Variants in DFFB observed in about 807,000 individuals in gnomAD.
DFFB encodes DNA fragmentation factor 40 kDa subunit.
In DFFB, 29 loss-of-function variants were observed where a neutral mutation model predicts 32.7. The observed-to-expected ratio is 0.89, with a 90% CI of 0.66 to 1.21. The LOEUF is 1.21. Ranked by LOEUF, DFFB falls within the 50% of genes most tolerant of loss-of-function variation. DFFB has a pLI of 0.00. For missense variants in DFFB, 398 were observed against 440.6 expected (o/e 0.90, Z 0.87); for synonymous variants, 170 against 177.1 (o/e 0.96, Z 0.32).
intron 2 of DFFB, among the ~76,000 whole-genome samples, chr1:3,863,767 A>T (rs767159534): frequency 6.6e-6 from 1 of 152,020 alleles, no homozygotes; most frequent in Non-Finnish European, 1.5e-5. Flanking sequence ...CATAGGAAAT[A>T]CCCAGAACGG....
intron 6 of DFFB, among the ~76,000 whole-genome samples, chr1:3,876,594 A>T (rs1044684801): frequency 8.5e-5 from 13 of 152,218 alleles, no homozygotes; most frequent in African/African-American, 2.9e-4. Flanking sequence ...TTAATTATTT[A>T]AGAATTAAAA....
intron 6 of DFFB, among the ~76,000 whole-genome samples, chr1:3,878,056 C>G (rs1645259834): frequency 6.6e-6 from 1 of 152,194 alleles, no homozygotes; most frequent in Non-Finnish European, 1.5e-5. Flanking sequence ...GCTGCTGTCT[C>G]CTAGAATGTG....
chr1:3,883,525 C>T lies in DFFB; in HGVS notation c.801C>T (p.Thr267=), dbSNP rs1371100773. The T allele has an allele frequency of 3.7e-6, 6 of 1,613,998 alleles. No individual in the cohort carries two copies. Among genetic ancestry groups the T allele is most frequent in the Non-Finnish European group, 5.1e-6 (6 of 1,180,032 alleles). ...NLDHIIEKKR[T]IIPTLVEAIK... is the part of the protein sequence containing the mutation. ...TTTGCAGAATAGAAAAGAAACGCACCATCATTCCTACACTGGTGGAAGCAA... is the reference window on the plus strand; with the variant it reads ...TTTGCAGAATAGAAAAGAAACGCACTATCATTCCTACACTGGTGGAAGCAA... The change falls in exon 7 of 7, where the codon ACC becomes ACT. Residue 267 remains threonine (T), a synonymous_variant. Transcript: ENST00000378209.
chr1:3,876,306 A>G, intron 6 of DFFB, among the ~76,000 whole-genome samples: 1 of 152,244 alleles, frequency 6.6e-6, no homozygotes, highest in East Asian at 1.9e-4. Flanking sequence ...GGACACAATC[A>G]GCATTTACAG....
chr1:3,870,753 T>C (rs1023206848), intron 5 of DFFB, among the ~76,000 whole-genome samples: 1 of 151,988 alleles, frequency 6.6e-6, no homozygotes, highest in African/African-American at 2.4e-5. Flanking sequence ...GGGTGGGGCC[T>C]TAGAGCAGGT....
intron 6 of DFFB, among the ~76,000 whole-genome samples, chr1:3,881,585 G>C (rs1393455671): frequency 6.6e-6 from 1 of 152,210 alleles, no homozygotes; most frequent in Non-Finnish European, 1.5e-5. Context: ...ATTTTAACAA[G>C]GTGACTTTTG....
chr1:3,868,441 G>A (rs1405212126), intron 4 of DFFB, among the ~76,000 whole-genome samples: 1 of 152,066 alleles, frequency 6.6e-6, no homozygotes, highest in Non-Finnish European at 1.5e-5. Context: ...GTGCTACAGG[G>A]ATCTGAGGCC....
At chr1:3,857,964 C>T (rs1016851056) in intron 1 of DFFB, among the ~76,000 whole-genome samples, 1 of 152,180 alleles carries the variant, frequency 6.6e-6, no homozygotes, top group Non-Finnish European at 1.5e-5. Flanking sequence ...GGCAGGACAG[C>T]CCTGCATCAG....
intron 6 of DFFB, among the ~76,000 whole-genome samples, chr1:3,878,101 C>G (rs1189927621): frequency 6.6e-6 from 1 of 152,046 alleles, no homozygotes; most frequent in African/African-American, 2.4e-5. Flanking sequence ...GCTGTGTCCC[C>G]AGTGTGTGGG....
intron 3 of DFFB, 95 bp downstream of exon 3, chr1:3,866,095 G>A (rs1644974902): frequency 1.9e-6 from 2 of 1,066,382 alleles, no homozygotes; most frequent in Non-Finnish European, 2.7e-6. Flanking sequence ...TGAAGGGCTG[G>A]CCTGTACCCT....
At position 3,865,143 on chromosome 1, in the gene DFFB, A is replaced by G. The variant is rs1445626949; in HGVS notation, c.242-669A>G. Among the ~76,000 whole-genome samples, 1 of 151,730 alleles carries G rather than the reference A, an allele frequency of 6.6e-6. No homozygotes were observed. Among genetic ancestry groups the G allele is most frequent in the East Asian group, 1.9e-4 (1 of 5,150 alleles). On this transcript the variant is annotated intron_variant, in intron 2 of 6. Transcript: ENST00000378209. The surrounding 1 kb of genome is among the most constrained non-coding windows in gnomAD (Gnocchi z 4.7). ...AGTGTGTTGATTTTCTCTTTTACGC[A>G]GTGCTTTTGATGTTAGGTCTAAGGA...
At chr1:3,868,767 G>A (rs1387215000) in intron 4 of DFFB, among the ~76,000 whole-genome samples, 2 of 140,840 alleles carry the variant, frequency 1.4e-5, no homozygotes, top group Non-Finnish European at 3.1e-5. Flanking sequence ...GGAGGGTGCT[G>A]TGGAGGCCCC....
rs1291800518 is a variant in DFFB, at chr1:3,857,508, G to A, written c.-96G>A. ...CTGTGCCAGCTTGCAGAGCTCACCAGGTGCAGACCCCTGCGGCCAGGGCGA... is the reference window on the plus strand; with the variant it reads ...CTGTGCCAGCTTGCAGAGCTCACCAAGTGCAGACCCCTGCGGCCAGGGCGA... On this transcript the variant is annotated 5_prime_UTR_variant, in exon 1 of 7. Transcript: ENST00000378209. 6 of 831,202 alleles carry A rather than the reference G, an allele frequency of 7.2e-6. No individual in the cohort carries two copies. Among genetic ancestry groups the A allele is most frequent in the Non-Finnish European group, 7.1e-6 (4 of 565,092 alleles). 51.5% of individuals were successfully genotyped at this position (831,202 alleles called of 1,614,324 possible).
intron 5 of DFFB, among the ~76,000 whole-genome samples, chr1:3,870,078 G>C (rs758043325): frequency 2.6e-5 from 4 of 152,262 alleles, no homozygotes; most frequent in Non-Finnish European, 5.9e-5. Flanking sequence ...ACCCCTGCTG[G>C]GGAGGCTGGA....
intron 2 of DFFB, among the ~76,000 whole-genome samples, chr1:3,864,492 G>A (rs187502656): frequency 2.0e-5 from 3 of 152,136 alleles, no homozygotes; most frequent in African/African-American, 7.2e-5. Flanking sequence ...CCCTTAATAT[G>A]CATTTCCCTA....
In DFFB at chr1:3,883,899, A is replaced by T. The variant is rs1165802801; in HGVS notation, c.*158A>T. On this transcript the variant is annotated 3_prime_UTR_variant, in exon 7 of 7. Coordinates refer to ENST00000378209, the MANE Select transcript of DFFB (RefSeq NM_004402.4). Reference sequence around the variant, plus strand: ...TTTCCTCCAAATCTGATTTCATTACATTTCTGAATTGTTGGGGTTTTTTTT... The same window carrying T: ...TTTCCTCCAAATCTGATTTCATTACTTTTCTGAATTGTTGGGGTTTTTTTT... 1.6e-6 allele frequency: 1 copy of T among 624,598 alleles called. No homozygotes were observed. Among genetic ancestry groups the T allele is most frequent in the Non-Finnish European group, 2.8e-6 (1 of 356,640 alleles). The allele number at this position is 624,598 out of a possible 1,614,324, so 38.7% of individuals were successfully genotyped here.
rs905842840 is a variant in DFFB at position 3,869,500 on chromosome 1, G to A, written c.511-105G>A. On this transcript the variant is annotated intron_variant, in intron 4 of 6. Coordinates refer to ENST00000378209, the MANE Select transcript of DFFB (RefSeq NM_004402.4). Reference sequence around the variant, plus strand: ...TCAGACCCTCTGACCACAGGACTGGGCTTGGGCAGGGTCTCAGAGGGCCAT... The same window carrying A: ...TCAGACCCTCTGACCACAGGACTGGACTTGGGCAGGGTCTCAGAGGGCCAT... 217 of 1,227,492 alleles carry A rather than the reference G, an allele frequency of 1.8e-4. No individual in the cohort carries two copies. The Admixed American group carries it at 4.7e-3, about 26-fold the overall frequency. 76.0% of individuals were successfully genotyped at this position (1,227,492 alleles called of 1,614,324 possible). A position where few individuals can be genotyped will look rare whatever the true frequency, so the allele number is the denominator to read the frequency against.
chr1:3,873,122 GTC>G, intron 6 of DFFB: 1 of 481,484 alleles, frequency 2.1e-6, no homozygotes, highest in Non-Finnish European at 3.2e-6. Flanking sequence ...AGCCTCCTGA[GTC>G]GCTGGGACTA....
chr1:3,868,550 C>T lies in DFFB; in HGVS notation c.510+497C>T, dbSNP rs1303099660. 4.7e-5 allele frequency among the ~76,000 whole-genome samples: 4 copies of T among 85,946 alleles called. 1 individual carries two copies. The highest frequency in any genetic ancestry group is 9.6e-5 in the African/African-American group (2 of 20,854). 56.4% of individuals were successfully genotyped at this position (85,946 alleles called of 152,430 possible). On this transcript the variant is annotated intron_variant, in intron 4 of 6. Transcript: ENST00000378209. ...CTGCCCTCATTTCCATCCACCCCAT[C>T]GAATGTGGATTTCCTCATCACATAG...
Sources: gnomAD v4.1 joint callset for allele counts (sites outside exome capture counted in the v4.1 genomes callset) on GRCh38, gnomAD v4.1.1 for gene constraint, Gnocchi (gnomAD v3.1) non-coding constraint, MANE v1.5 for transcripts, NCBI Gene and HGNC (gene_info 2026-07-23, HGNC 2026-07-21) for gene names.